MACROD2: variants seen among roughly 807,000 people sequenced by gnomAD.
MACROD2 encodes mono-ADP ribosylhydrolase 2.
In MACROD2, 36 loss-of-function variants were observed where a neutral mutation model predicts 70.4. The ratio of observed to expected loss-of-function variants is 0.51; its 90% CI spans 0.39 to 0.68. The LOEUF is 0.68. MACROD2 is among the 30% of genes least tolerant of loss of function. MACROD2 has a pLI of 0.00. For synonymous variants in MACROD2, 172 were observed against 178.8 expected, an observed-to-expected ratio of 0.96 and a Z score of 0.30; for missense variants, 496 against 538.4, an observed-to-expected ratio of 0.92 and a Z score of 0.78.
intron 2 of MACROD2, among the ~76,000 whole-genome samples, chr20:14,040,380 G>A (rs751486191): frequency 2.6e-5 from 4 of 152,132 alleles, no homozygotes; most frequent in Non-Finnish European, 5.9e-5. Flanking sequence ...AAGAAAAAAG[G>A]TATAATTTTT....
chr20:15,968,074 T>C (rs1292569270), intron 13 of MACROD2, among the ~76,000 whole-genome samples: 1 of 152,190 alleles, frequency 6.6e-6, no homozygotes, highest in Admixed American at 6.5e-5. Context: ...AATTTCCTAA[T>C]GTAAACCAGT....
intron 5 of MACROD2, among the ~76,000 whole-genome samples, chr20:14,828,769 A>G (rs2072929572): frequency 6.6e-6 from 1 of 152,008 alleles, no homozygotes; most frequent in African/African-American, 2.4e-5. Context: ...ACATCATGCT[A>G]ATAACTATTA....
intron 6 of MACROD2, among the ~76,000 whole-genome samples, chr20:15,389,766 C>T (rs1372940290): frequency 1.3e-5 from 2 of 152,124 alleles, no homozygotes; most frequent in Non-Finnish European, 2.9e-5. Flanking sequence ...CTCTTCTTGG[C>T]CCCAAGGCAA....
intron 4 of MACROD2, among the ~76,000 whole-genome samples, chr20:14,669,620 A>G (rs931295806): frequency 6.6e-6 from 1 of 152,172 alleles, no homozygotes; most frequent in Non-Finnish European, 1.5e-5. Flanking sequence ...CTCTGATAAA[A>G]CAAATGAGGT....
chr20:15,337,738 T>G (rs1428425927), intron 6 of MACROD2, among the ~76,000 whole-genome samples: 1 of 151,786 alleles, frequency 6.6e-6, no homozygotes, highest in Non-Finnish European at 1.5e-5. Context: ...TTGGGAGACT[T>G]TGACATGGAA....
chr20:14,425,410 G>C (rs2083922024), intron 3 of MACROD2, among the ~76,000 whole-genome samples: 1 of 152,108 alleles, frequency 6.6e-6, no homozygotes, highest in Non-Finnish European at 1.5e-5. Flanking sequence ...TCTGTTCAGT[G>C]TTTGCATTAC....
intron 3 of MACROD2, among the ~76,000 whole-genome samples, chr20:14,489,592 T>C (rs1296356943): frequency 6.6e-6 from 1 of 152,172 alleles, no homozygotes; most frequent in East Asian, 1.9e-4. Context: ...ATGTGCTCTA[T>C]TGTAATAAGA....
intron 8 of MACROD2, among the ~76,000 whole-genome samples, chr20:15,777,663 G>A (rs558342332): frequency 9.4e-6 from 1 of 106,426 alleles, no homozygotes; most frequent in Non-Finnish European, 1.8e-5. Flanking sequence ...TCTTTCTTTC[G>A]AGACAGAGTC....
At chr20:14,247,132 T>G (rs957674646) in intron 3 of MACROD2, among the ~76,000 whole-genome samples, 1 of 152,154 alleles carries the variant, frequency 6.6e-6, no homozygotes, top group Non-Finnish European at 1.5e-5. Context: ...ATTTTGATAG[T>G]TTTAGAAATA....
chr20:15,294,241 G>T (rs1338209509), intron 6 of MACROD2, among the ~76,000 whole-genome samples: 2 of 152,050 alleles, frequency 1.3e-5, no homozygotes, highest in Non-Finnish European at 2.9e-5. Context: ...AGCATCGGAT[G>T]ATAAAGCTGA....
At chr20:15,325,450 C>T (rs2077918628) in intron 6 of MACROD2, among the ~76,000 whole-genome samples, 1 of 152,118 alleles carries the variant, frequency 6.6e-6, no homozygotes, top group Non-Finnish European at 1.5e-5. Flanking sequence ...AGTTTGCCTT[C>T]TCATATGCCA....
At chr20:14,802,163 T>C (rs2072584587) in intron 5 of MACROD2, among the ~76,000 whole-genome samples, 1 of 152,062 alleles carries the variant, frequency 6.6e-6, no homozygotes, top group South Asian at 2.1e-4. Flanking sequence ...TGAGACAGCA[T>C]GCCTGAGTTT....
chr20:14,699,573 G>T (rs931723628), intron 5 of MACROD2, among the ~76,000 whole-genome samples: 1 of 152,126 alleles, frequency 6.6e-6, no homozygotes, highest in African/African-American at 2.4e-5. Context: ...ATGATAGTCA[G>T]GGAGATAATA....
At chr20:14,233,358 G>A (rs6131564) in intron 3 of MACROD2, among the ~76,000 whole-genome samples, 25,122 of 152,032 alleles carry the variant, frequency 0.17, 2,486 homozygotes, top group East Asian at 0.26. Flanking sequence ...AATAAGTAAA[G>A]CATAATAAAA....
intron 3 of MACROD2, among the ~76,000 whole-genome samples, chr20:14,375,240 T>C (rs558591010): frequency 1.3e-5 from 2 of 151,780 alleles, no homozygotes; most frequent in Non-Finnish European, 2.9e-5. Context: ...AAATATTAAG[T>C]GAGGTGAAAT....
At chr20:14,331,945 G>A (rs2082849716) in intron 3 of MACROD2, among the ~76,000 whole-genome samples, 1 of 152,084 alleles carries the variant, frequency 6.6e-6, no homozygotes, top group African/African-American at 2.4e-5. Flanking sequence ...CTTGAAAGAG[G>A]CCATTACTTC....
chr20:14,613,054 T>C (rs1307008954), intron 4 of MACROD2, among the ~76,000 whole-genome samples: 1 of 152,098 alleles, frequency 6.6e-6, no homozygotes, highest in East Asian at 1.9e-4. Flanking sequence ...TTTTTATAAG[T>C]CGCATTAGAG....
chr20:15,352,485 G>C (rs1229108810), intron 6 of MACROD2, among the ~76,000 whole-genome samples: 1 of 151,942 alleles, frequency 6.6e-6, no homozygotes, highest in Non-Finnish European at 1.5e-5. Context: ...TTTAGAATGG[G>C]GGATTCTTTT....
At chr20:14,126,917 A>G (rs945621065) in intron 3 of MACROD2, among the ~76,000 whole-genome samples, 1 of 152,124 alleles carries the variant, frequency 6.6e-6, no homozygotes, top group African/African-American at 2.4e-5. Context: ...TTGAGAAACA[A>G]CAGTATTGAA....
Sources: allele counts gnomAD v4.1 joint callset (sites outside exome capture counted in the v4.1 genomes callset), GRCh38; gene constraint gnomAD v4.1.1; transcripts MANE v1.5; gene names NCBI Gene and HGNC (gene_info 2026-07-23, HGNC 2026-07-21).